ZFAT: variants seen among roughly 807,000 people sequenced by gnomAD.
ZFAT encodes the protein zinc finger and AT-hook domain containing, also known as zinc finger protein ZFAT.
In ZFAT, 64 loss-of-function variants were observed where a neutral mutation model predicts 117.7. That is an observed-to-expected ratio of 0.54 (90% CI 0.44 to 0.67). ZFAT has a LOEUF of 0.67. ZFAT is among the 30% of genes least tolerant of loss of function. The probability of loss-of-function intolerance (pLI) is 0.00; values close to 1 mark genes in which losing one functional copy is unlikely to be tolerated. For missense variants in ZFAT, 1,433 were observed against 1,584.5 expected, an observed-to-expected ratio of 0.90 and a Z score of 1.62; for synonymous variants, 679 against 615.0, an observed-to-expected ratio of 1.10 and a Z score of -1.54.
At chr8:134,608,580 T>C in intron 5 of ZFAT, 149 bp downstream of exon 5, 1 of 955,668 alleles carries the variant, frequency 1.0e-6, no homozygotes, top group East Asian at 2.9e-5. Context: ...GGAGGGGTAA[T>C]TCTACTGCTG....
At chr8:134,698,050 C>T (rs957758527) in intron 1 of ZFAT, among the ~76,000 whole-genome samples, 6 of 149,146 alleles carry the variant, frequency 4.0e-5, no homozygotes, top group African/African-American at 1.2e-4. Context: ...GGGCCAGGTG[C>T]GGTGGCTCAC....
the ZFAT span, among the ~76,000 whole-genome samples, chr8:134,806,562 G>C: frequency 6.6e-6 from 1 of 152,164 alleles, no homozygotes; most frequent in East Asian, 1.9e-4. Context: ...TGCACATTAA[G>C]TTGCAATAAA....
intron 1 of ZFAT, among the ~76,000 whole-genome samples, chr8:134,671,681 TA>T (rs1480405594): frequency 1.3e-5 from 2 of 152,198 alleles, no homozygotes; most frequent in African/African-American, 4.8e-5. Context: ...GCATTCCCTT[TA>T]AAAACTGGCA....
intron 15 of ZFAT, among the ~76,000 whole-genome samples, chr8:134,492,906 G>C (rs954475172): frequency 1.3e-5 from 2 of 152,216 alleles, no homozygotes; most frequent in Non-Finnish European, 2.9e-5. Flanking sequence ...TCACAGGCAG[G>C]AAGAAGCCAT....
intron 15 of ZFAT, among the ~76,000 whole-genome samples, chr8:134,493,827 C>T (rs981267469): frequency 1.3e-5 from 2 of 152,142 alleles, no homozygotes; most frequent in Non-Finnish European, 2.9e-5. Context: ...CATGCCATGG[C>T]CATATGGCAC....
At chr8:134,640,341 C>T (rs913529609) in intron 2 of ZFAT, among the ~76,000 whole-genome samples, 1 of 152,188 alleles carries the variant, frequency 6.6e-6, no homozygotes, top group African/African-American at 2.4e-5. Flanking sequence ...CAGACTTGGT[C>T]GTCTTGCGGA....
chr8:134,618,729 A>G lies in ZFAT; in HGVS notation c.449-8074T>C, dbSNP rs116819507. ...TCTTAAGTGTCCATATTCAAACAAA[A>G]TATCATTTCTGCACAAAAGAAATAA... is the stretch of plus-strand genomic sequence containing the variant. On this transcript the variant is annotated intron_variant, in intron 3 of 15. Transcript: ENST00000377838. Among the ~76,000 whole-genome samples the G allele has an allele frequency of 2.2e-3, 330 of 152,334 alleles. 2 individuals are homozygous for G. Among genetic ancestry groups the G allele is most frequent in the African/African-American group, 7.7e-3 (319 of 41,564 alleles).
At chr8:134,590,159 G>C in intron 8 of ZFAT, 109 bp downstream of exon 8, 1 of 757,748 alleles carries the variant, frequency 1.3e-6, no homozygotes, top group Non-Finnish European at 2.1e-6. Context: ...TATATTCACA[G>C]CTTCATCCCT....
chr8:134,569,949 G>C (rs1482203723), intron 10 of ZFAT, among the ~76,000 whole-genome samples: 1 of 152,284 alleles, frequency 6.6e-6, no homozygotes, highest in Admixed American at 6.5e-5. Flanking sequence ...AAAACCTCCT[G>C]CTCCTCTTCC....
chr8:134,532,741 A>C, intron 12 of ZFAT, 93 bp downstream of exon 12: 1 of 1,494,398 alleles, frequency 6.7e-7, no homozygotes. Context: ...TATGTAGCAG[A>C]ACTGAACTGC....
the ZFAT span, among the ~76,000 whole-genome samples, chr8:134,720,648 G>T: frequency 1.3e-5 from 2 of 152,324 alleles, no homozygotes; most frequent in Admixed American, 6.5e-5. Context: ...GGGCCTGGCC[G>T]CAAGAGGGCA....
the ZFAT span, among the ~76,000 whole-genome samples, chr8:134,751,234 T>C: frequency 6.6e-6 from 1 of 152,030 alleles, no homozygotes; most frequent in African/African-American, 2.4e-5. Flanking sequence ...TGTAGTTGAG[T>C]TGGGATTCAA....
At chr8:134,590,392 A>G (rs779969796) in intron 7 of ZFAT, 37 bp from the exon 8 acceptor site, 2 of 1,540,752 alleles carry the variant, frequency 1.3e-6, no homozygotes, top group South Asian at 2.3e-5. Flanking sequence ...TGACTTTCTC[A>G]TTTAAATCTG....
chr8:134,533,136 C>T (rs1424280909), intron 11 of ZFAT, among the ~76,000 whole-genome samples, 164 bp from the exon 12 acceptor site: 1 of 152,204 alleles, frequency 6.6e-6, no homozygotes, highest in East Asian at 1.9e-4. Context: ...AATGCTGAGA[C>T]CTGCCTCTGC....
intron 1 of ZFAT, among the ~76,000 whole-genome samples, chr8:134,675,805 A>C (rs1275266936): frequency 1.3e-5 from 2 of 152,272 alleles, no homozygotes; most frequent in Non-Finnish European, 2.9e-5. Flanking sequence ...TCTTGAAGAA[A>C]AGAAATTTCA....
intron 14 of ZFAT, chr8:134,510,112 C>T: frequency 2.2e-6 from 1 of 460,726 alleles, no homozygotes; most frequent in South Asian, 1.5e-5. Flanking sequence ...AAGCTGAACT[C>T]CTGGGAGCAC....
the ZFAT span, among the ~76,000 whole-genome samples, chr8:134,747,091 C>G: frequency 2.0e-5 from 3 of 151,256 alleles, no homozygotes; most frequent in Non-Finnish European, 4.4e-5. Flanking sequence ...TTCTAAAGAT[C>G]TTTTTTTTTC....
intron 1 of ZFAT, chr8:134,674,827 C>T (rs961260712): frequency 1.8e-5 from 5 of 281,412 alleles, no homozygotes; most frequent in Non-Finnish European, 3.5e-5. Context: ...GTTCTGCAGC[C>T]TCCACTGGTG....
the ZFAT span, among the ~76,000 whole-genome samples, chr8:134,719,570 G>A: frequency 6.6e-6 from 1 of 152,188 alleles, no homozygotes; most frequent in Admixed American, 6.5e-5. Context: ...TCTTTCATCT[G>A]TAAAAGGGCA....
Sources: gnomAD v4.1 joint callset for allele counts (sites outside exome capture counted in the v4.1 genomes callset) on GRCh38, gnomAD v4.1.1 for gene constraint, MANE v1.5 for transcripts, NCBI Gene and HGNC (gene_info 2026-07-23, HGNC 2026-07-21) for gene names.